The following MACROD2 variants were observed in gnomAD, a reference collection of about 807,000 sequenced individuals.
The protein encoded by MACROD2 is mono-ADP ribosylhydrolase 2.
MACROD2 carries 36 observed loss-of-function variants against 70.4 expected under a neutral mutation model. That is an observed-to-expected ratio of 0.51 (90% CI 0.39 to 0.68). The LOEUF (loss-of-function observed/expected upper bound fraction) is 0.68. Ranked by LOEUF, MACROD2 falls within the 30% of genes least tolerant of loss-of-function variation. The pLI is 0.00. For missense variants in MACROD2, 496 were observed against 538.4 expected, an observed-to-expected ratio of 0.92 and a Z score of 0.78; for synonymous variants, 172 against 178.8, an observed-to-expected ratio of 0.96 and a Z score of 0.30.
intron 4 of MACROD2, among the ~76,000 whole-genome samples, chr20:14,598,693 A>G (rs1055508406): frequency 1.3e-5 from 2 of 152,200 alleles, no homozygotes; most frequent in Non-Finnish European, 2.9e-5. Flanking sequence ...AGCTTTCCCA[A>G]TAGCCTAAGT....
At chr20:15,427,927 G>C (rs991448248) in intron 6 of MACROD2, among the ~76,000 whole-genome samples, 1 of 152,170 alleles carries the variant, frequency 6.6e-6, no homozygotes, top group African/African-American at 2.4e-5. Context: ...CTGGAGAGAT[G>C]CTACTGATAT....
At chr20:14,954,284 C>T (rs1003590290) in intron 5 of MACROD2, among the ~76,000 whole-genome samples, 9 of 151,414 alleles carry the variant, frequency 5.9e-5, no homozygotes, top group African/African-American at 9.7e-5. Flanking sequence ...CTTTGGTTAT[C>T]AAATGGAATT....
chr20:15,430,826 T>A (rs1387718964), intron 6 of MACROD2, among the ~76,000 whole-genome samples: 1 of 152,018 alleles, frequency 6.6e-6, no homozygotes, highest in Non-Finnish European at 1.5e-5. Flanking sequence ...TTTTTGATTT[T>A]CACAGAATGC....
chr20:14,170,096 T>G (rs763427717), intron 3 of MACROD2, among the ~76,000 whole-genome samples: 2 of 151,966 alleles, frequency 1.3e-5, no homozygotes, highest in Non-Finnish European at 2.9e-5. Flanking sequence ...GTTTCACCAT[T>G]TTGGCCAGAC....
chr20:14,588,119 T>C (rs1426534182), intron 4 of MACROD2, among the ~76,000 whole-genome samples: 1 of 152,110 alleles, frequency 6.6e-6, no homozygotes, highest in East Asian at 1.9e-4. Context: ...AACGGGATGA[T>C]CATCTGTTTC....
intron 8 of MACROD2, among the ~76,000 whole-genome samples, chr20:15,514,989 TCACCCTCCATGCTG>T (rs1348435606): frequency 6.6e-6 from 1 of 152,232 alleles, no homozygotes; most frequent in Non-Finnish European, 1.5e-5. Flanking sequence ...TTATCCCATG[TCACCCTCCATGCTG>T]CAGCTCATAC....
At chr20:14,903,731 C>T (rs144917654) in intron 5 of MACROD2, among the ~76,000 whole-genome samples, 6 of 152,104 alleles carry the variant, frequency 3.9e-5, no homozygotes, top group East Asian at 3.9e-4. Context: ...AACAGACTAG[C>T]GTAGGTAACT....
At chr20:15,603,232 C>T (rs147465592) in intron 8 of MACROD2, among the ~76,000 whole-genome samples, 7 of 152,110 alleles carry the variant, frequency 4.6e-5, no homozygotes, top group African/African-American at 1.7e-4. Context: ...GGAGTGGTGG[C>T]TCATGCTTGT....
intron 6 of MACROD2, among the ~76,000 whole-genome samples, chr20:15,273,823 A>G (rs984327534): frequency 5.9e-5 from 9 of 152,168 alleles, no homozygotes. Context: ...TCCCCATCTA[A>G]TAACTACAAC....
At chr20:15,568,409 C>G (rs892423868) in intron 8 of MACROD2, among the ~76,000 whole-genome samples, 5 of 152,170 alleles carry the variant, frequency 3.3e-5, no homozygotes, top group African/African-American at 1.2e-4. Flanking sequence ...ACTAGACACA[C>G]AGAGACTTTA....
intron 3 of MACROD2, among the ~76,000 whole-genome samples, chr20:14,397,596 T>A (rs1036625695): frequency 2.0e-5 from 3 of 152,164 alleles, no homozygotes; most frequent in African/African-American, 7.2e-5. Flanking sequence ...TAATCAGTTA[T>A]CTTTTTCCCT....
At chr20:15,812,693 C>G (rs1052646984) in intron 8 of MACROD2, among the ~76,000 whole-genome samples, 3 of 152,162 alleles carry the variant, frequency 2.0e-5, no homozygotes, top group Non-Finnish European at 4.4e-5. Context: ...TATTCAATTG[C>G]ATTTGTTTGA....
At chr20:15,566,887 G>C (rs1267812059) in intron 8 of MACROD2, among the ~76,000 whole-genome samples, 1 of 152,122 alleles carries the variant, frequency 6.6e-6, no homozygotes, top group Non-Finnish European at 1.5e-5. Flanking sequence ...TACTGTGTCT[G>C]TCTGCTTACA....
At chr20:15,256,432 A>T (rs932886060) in intron 6 of MACROD2, among the ~76,000 whole-genome samples, 2 of 152,046 alleles carry the variant, frequency 1.3e-5, no homozygotes, top group African/African-American at 4.8e-5. Flanking sequence ...TACATGGAAG[A>T]TAAAGTGATC....
At chr20:15,929,531 G>A (rs897294603) in intron 10 of MACROD2, among the ~76,000 whole-genome samples, 10 of 152,074 alleles carry the variant, frequency 6.6e-5, no homozygotes, top group South Asian at 2.1e-4. Context: ...TGAATTGTCC[G>A]TAGTCTGTCT....
chr20:14,465,142 G>T (rs1176068709), intron 3 of MACROD2, among the ~76,000 whole-genome samples: 1 of 152,052 alleles, frequency 6.6e-6, no homozygotes, highest in African/African-American at 2.4e-5. Flanking sequence ...GGGTGTTAAA[G>T]TCTCCCATTA....
chr20:15,780,579 A>G (rs544893841), intron 8 of MACROD2, among the ~76,000 whole-genome samples: 99 of 152,308 alleles, frequency 6.5e-4, no homozygotes, highest in African/African-American at 2.3e-3. Flanking sequence ...AGCTCTAGTG[A>G]AAGTTTGAAT....
At chr20:14,788,193 G>A (rs2072398254) in intron 5 of MACROD2, among the ~76,000 whole-genome samples, 1 of 152,000 alleles carries the variant, frequency 6.6e-6, no homozygotes, top group Admixed American at 6.5e-5. Context: ...TTAAAAGTGG[G>A]AGTTGGTAGA....
intron 7 of MACROD2, among the ~76,000 whole-genome samples, chr20:15,436,215 C>G: frequency 6.6e-6 from 1 of 151,886 alleles, no homozygotes; most frequent in Non-Finnish European, 1.5e-5. Context: ...AAAGAAATAC[C>G]TGAGACTCCG....
Sources: gnomAD v4.1 joint callset for allele counts (sites outside exome capture counted in the v4.1 genomes callset) on GRCh38, gnomAD v4.1.1 for gene constraint, MANE v1.5 for transcripts, NCBI Gene and HGNC (gene_info 2026-07-23, HGNC 2026-07-21) for gene names.